NUMA1: variants seen among roughly 807,000 people sequenced by gnomAD.
The protein encoded by NUMA1 is nuclear mitotic apparatus protein 1.
A neutral mutation model predicts 237.1 loss-of-function variants in NUMA1; 62 were observed. The observed-to-expected ratio is 0.26, with a 90% confidence interval of 0.21 to 0.32. The LOEUF (loss-of-function observed/expected upper bound fraction) is 0.32. NUMA1 is among the 10% of genes least tolerant of loss of function. The pLI, the probability that NUMA1 is intolerant of heterozygous loss-of-function variation, is 1.00. For missense variants in NUMA1, 2,533 were observed against 2,666.5 expected, an observed-to-expected ratio of 0.95 and a Z score of 1.10; for synonymous variants, 1,028 against 1,066.1, an observed-to-expected ratio of 0.96 and a Z score of 0.70.
At chr11:72,004,865 G>A in intron 23 of NUMA1, 49 bp from the exon 24 acceptor site, 1 of 1,500,344 alleles carries the variant, frequency 6.7e-7, no homozygotes, top group African/African-American at 1.4e-5. Flanking sequence ...TATGGAGATG[G>A]AGGAGGACCT....
chr11:72,023,360 G>A (rs1195604985), intron 5 of NUMA1, among the ~76,000 whole-genome samples: 2 of 152,082 alleles, frequency 1.3e-5, no homozygotes, highest in Admixed American at 6.6e-5. Context: ...AGGGATAATG[G>A]AAGAAGAAAG....
intron 16 of NUMA1, among the ~76,000 whole-genome samples, chr11:72,011,859 A>G (rs1276039800): frequency 6.6e-6 from 1 of 151,754 alleles, no homozygotes. Flanking sequence ...TGCTACAGAC[A>G]TCTCTATGCT....
At chr11:72,074,403 G>A (rs1471457597) in intron 1 of NUMA1, among the ~76,000 whole-genome samples, 1 of 152,004 alleles carries the variant, frequency 6.6e-6, no homozygotes, top group Non-Finnish European at 1.5e-5. Flanking sequence ...ACAGTGCCTA[G>A]TTCACAATAT....
intron 2 of NUMA1, among the ~76,000 whole-genome samples, chr11:72,053,228 C>T (rs1942463716): frequency 6.6e-6 from 1 of 152,214 alleles, no homozygotes; most frequent in African/African-American, 2.4e-5. Flanking sequence ...TAAAGTGAAG[C>T]TCCCACCTTG....
Position 72,005,245 on chromosome 11 carries a change from G to C in NUMA1, c.5817C>G (p.Pro1939=), listed in dbSNP as rs761751128. The C allele has an allele frequency of 9.4e-6, 15 of 1,598,826 alleles. No individual in the cohort carries two copies. The African/African-American group carries it at 1.8e-4, about 19-fold the overall frequency. Reference sequence around the variant, plus strand: ...CCCCAGGCCTCACCCTGGACTCCAGGGGATAGCAGGTCTTCAGATGTGGGG... The same window carrying C: ...CCCCAGGCCTCACCCTGGACTCCAGCGGATAGCAGGTCTTCAGATGTGGGG... ...VCPPHLKTCY[P]LESRPSLSLG... The change falls in exon 23 of 27, where the codon CCC becomes CCG. Residue 1939 remains proline, a synonymous_variant. Transcript: ENST00000393695.
At chr11:72,021,401 G>A (rs865996462) in intron 7 of NUMA1, 110 bp from the exon 8 acceptor site, 1 of 896,450 alleles carries the variant, frequency 1.1e-6, no homozygotes, top group African/African-American at 1.7e-5. Flanking sequence ...CATGCCCTAG[G>A]AGCCTGCTGG....
At chr11:72,025,137 A>G (rs1212688922) in intron 4 of NUMA1, among the ~76,000 whole-genome samples, 2 of 151,994 alleles carry the variant, frequency 1.3e-5, no homozygotes, top group Non-Finnish European at 2.9e-5. Flanking sequence ...ACCTCCACCC[A>G]CCTCAGCCTC....
At chr11:72,044,671 T>TC (rs1204159224) in intron 2 of NUMA1, among the ~76,000 whole-genome samples, 1 of 149,812 alleles carries the variant, frequency 6.7e-6, no homozygotes, top group Admixed American at 6.6e-5. Context: ...TGTTTGCTTT[T>TC]TTTTTTTTTT....
At chr11:72,017,365 A>G in intron 13 of NUMA1, 1 of 394,078 alleles carries the variant, frequency 2.5e-6, no homozygotes, top group Non-Finnish European at 4.8e-6. Flanking sequence ...TGAGGCAGCT[A>G]CTCGTTACTA....
At chr11:72,044,611 G>C (rs914131887) in intron 2 of NUMA1, among the ~76,000 whole-genome samples, 1 of 151,600 alleles carries the variant, frequency 6.6e-6, no homozygotes, top group East Asian at 1.9e-4. Context: ...TTGGGGGGGG[G>C]GAGGAGTTAG....
chr11:72,059,125 T>C (rs1201874176), intron 2 of NUMA1, among the ~76,000 whole-genome samples: 1 of 152,208 alleles, frequency 6.6e-6, no homozygotes, highest in African/African-American at 2.4e-5. Flanking sequence ...TTCCTAAGCA[T>C]GTACACATAC....
At chr11:72,043,314 A>G (rs2135907615) in intron 2 of NUMA1, among the ~76,000 whole-genome samples, 1 of 151,492 alleles carries the variant, frequency 6.6e-6, no homozygotes, top group East Asian at 1.9e-4. Context: ...AATACAAAAA[A>G]CCACACAAAA....
intron 2 of NUMA1, chr11:72,042,030 G>C (rs1435497983): frequency 6.6e-6 from 1 of 152,394 alleles, no homozygotes; most frequent in Non-Finnish European, 1.5e-5. Flanking sequence ...TATGGGGAGG[G>C]GCTGAGGGGC....
intron 16 of NUMA1, among the ~76,000 whole-genome samples, chr11:72,011,899 T>C (rs529572724): frequency 6.6e-6 from 1 of 152,224 alleles, no homozygotes; most frequent in South Asian, 2.1e-4. Flanking sequence ...CAGAAAGTGA[T>C]GGGCAAGTGT....
At chr11:72,018,743 C>G in intron 10 of NUMA1, 80 bp downstream of exon 10, 3 of 1,508,692 alleles carry the variant, frequency 2.0e-6, no homozygotes, top group Admixed American at 1.9e-5. Context: ...CAGGGGCCAG[C>G]AGAGGGGACA....
At chr11:72,027,782 C>T (rs1939771619) in intron 4 of NUMA1, among the ~76,000 whole-genome samples, 1 of 152,070 alleles carries the variant, frequency 6.6e-6, no homozygotes, top group African/African-American at 2.4e-5. Context: ...GAATGAACTG[C>T]AATAAGGGCA....
chr11:72,029,624 G>A (rs1366147617), intron 3 of NUMA1, among the ~76,000 whole-genome samples: 13 of 152,226 alleles, frequency 8.5e-5, no homozygotes, highest in Admixed American at 8.5e-4. Flanking sequence ...TGACAGCAGG[G>A]AGTCTGAGGT....
intron 1 of NUMA1, among the ~76,000 whole-genome samples, chr11:72,079,428 C>T (rs1943917402): frequency 6.6e-6 from 1 of 152,094 alleles, no homozygotes; most frequent in Admixed American, 6.5e-5. Context: ...GTAATCCCAG[C>T]TACTCGGGAG....
rs563925641 is a variant in NUMA1 at position 72,016,247 on chromosome 11, T to C, written c.1256A>G (p.Lys419Arg). The part of the protein sequence containing the change: ...LGDVLQLETL[K>R]QEAATLAANN... Reference sequence around the variant, plus strand: ...TGCAGCAAGAGTGGCTGCCTCTTGCTTCAAGGTTTCCAGCTGGTGGTATAA... The same window carrying C: ...TGCAGCAAGAGTGGCTGCCTCTTGCCTCAAGGTTTCCAGCTGGTGGTATAA... The change falls in exon 15 of 27, where the codon AAG (lysine) becomes AGG (arginine). Residue 419 changes from lysine (K) to arginine (R), a missense_variant. Coordinates refer to ENST00000393695, the MANE Select transcript of NUMA1 (RefSeq NM_006185.4). The C allele has an allele frequency of 5.0e-6, 8 of 1,596,130 alleles. No individual in the cohort carries two copies. The African/African-American group carries it at 6.7e-5, about 13-fold the overall frequency.
Sources: allele counts gnomAD v4.1 joint callset (sites outside exome capture counted in the v4.1 genomes callset), GRCh38; gene constraint gnomAD v4.1.1; transcripts MANE v1.5; gene names NCBI Gene and HGNC (gene_info 2026-07-23, HGNC 2026-07-21).